Variants in SORL1 observed in about 807,000 individuals in gnomAD.
The protein encoded by SORL1 is sortilin related receptor 1.
SORL1 carries 127 observed loss-of-function variants against 273.7 expected under a neutral mutation model. That is an observed-to-expected ratio of 0.46 (90% confidence interval 0.40 to 0.54). The LOEUF (loss-of-function observed/expected upper bound fraction) is 0.54. SORL1 is among the 20% of genes least tolerant of loss of function. The probability of loss-of-function intolerance (pLI) is 0.00; values close to 1 mark genes in which losing one functional copy is unlikely to be tolerated. For missense variants in SORL1, 2,494 were observed against 2,846.1 expected (o/e 0.88, Z 2.81); for synonymous variants, 1,031 against 1,067.4 (o/e 0.97, Z 0.66).
chr11:121,591,074 G>T lies in SORL1; in HGVS notation c.4287G>T (p.Gly1429=), dbSNP rs765464366. The T allele has an allele frequency of 6.2e-7, 1 of 1,614,232 alleles. No individual in the cohort carries two copies. Among genetic ancestry groups the T allele is most frequent in the South Asian group, 1.1e-5 (1 of 91,078 alleles). Residue 1429 remains glycine, a synonymous_variant, in exon 31 of 48, where the codon GGG becomes GGT. Coordinates refer to ENST00000260197, the MANE Select transcript of SORL1 (RefSeq NM_003105.6). ...CCAATTACTACCGCTGCAGCAGTGG[G>T]ACCTGCGTGATGGACACCTGGGTGT... is the stretch of plus-strand genomic sequence containing the variant. ...CLPNYYRCSS[G]TCVMDTWVCD... is the part of the protein sequence containing the mutation.
chr11:121,583,277 C>G lies in SORL1; in HGVS notation c.3581-181C>G, dbSNP rs187840309. 2.6e-5 allele frequency among the ~76,000 whole-genome samples: 4 copies of G among 152,254 alleles called. No individual in the cohort carries two copies. In the South Asian group the frequency reaches 6.2e-4, roughly 24 times the overall value. On this transcript the variant is annotated intron_variant, in intron 25 of 47. Coordinates refer to ENST00000260197, the MANE Select transcript of SORL1 (RefSeq NM_003105.6). ...TATAAATCCATAGGCTCAAGTCCAC[C>G]GAGGGAGCTGCCCAAGGTCAGCCCA...
At chr11:121,529,107 T>G (rs965110696) in intron 11 of SORL1, among the ~76,000 whole-genome samples, 8 of 152,220 alleles carry the variant, frequency 5.3e-5, no homozygotes, top group African/African-American at 1.9e-4. Context: ...GAATTGTCCC[T>G]TTTATCATTA....
At chr11:121,524,048 CTG>C (rs1248061664) in intron 11 of SORL1, among the ~76,000 whole-genome samples, 1 of 152,212 alleles carries the variant, frequency 6.6e-6, no homozygotes, top group Non-Finnish European at 1.5e-5. Flanking sequence ...GGCTCAGACA[CTG>C]TGTACTGTAT....
intron 4 of SORL1, among the ~76,000 whole-genome samples, chr11:121,489,724 G>T (rs1482913871): frequency 1.3e-5 from 2 of 152,206 alleles, no homozygotes; most frequent in Non-Finnish European, 2.9e-5. Context: ...AAAGTGCTGA[G>T]TATAATCATC....
At position 121,463,937 on chromosome 11, in the gene SORL1, TC is replaced by T. The variant is rs1861041882; in HGVS notation, c.286-6068del. Among the ~76,000 whole-genome samples the T allele has an allele frequency of 2.0e-5, 3 of 152,360 alleles. No homozygotes were observed. In the South Asian group the frequency reaches 6.2e-4, roughly 32 times the overall value. On this transcript the variant is annotated intron_variant, in intron 1 of 47. Transcript: ENST00000260197. ...GGGATGGTTTGGGAAAACCTTGTTC[TC>T]CTTGGACCTCAGGAGGCTGTCTTTG...
chr11:121,546,169 G>A (rs1436005795), intron 14 of SORL1, among the ~76,000 whole-genome samples: 1 of 152,192 alleles, frequency 6.6e-6, no homozygotes, highest in African/African-American at 2.4e-5. Context: ...GGGATGCCTT[G>A]TTGGGTGTAT....
At chr11:121,573,654 C>G (rs1862881849) in intron 23 of SORL1, among the ~76,000 whole-genome samples, 1 of 152,184 alleles carries the variant, frequency 6.6e-6, no homozygotes, top group Admixed American at 6.5e-5. Context: ...ACTGTGATCT[C>G]AAGCACTAGG....
chr11:121,548,292 A>G (rs1862462547), intron 14 of SORL1, among the ~76,000 whole-genome samples: 1 of 152,236 alleles, frequency 6.6e-6, no homozygotes, highest in Non-Finnish European at 1.5e-5. Flanking sequence ...GGTCAAAGAA[A>G]GCTGCCCAGG....
chr11:121,471,292 C>T (rs1367294923), intron 2 of SORL1, among the ~76,000 whole-genome samples: 1 of 152,196 alleles, frequency 6.6e-6, no homozygotes, highest in Admixed American at 6.5e-5. Flanking sequence ...TTCTGGTTTT[C>T]CAGAGGAACC....
Position 121,474,818 on chromosome 11 carries a change from G to A in SORL1, c.403-3300G>A, listed in dbSNP as rs138213994. 4.6e-3 allele frequency among the ~76,000 whole-genome samples: 708 copies of A among 152,368 alleles called. 5 individuals carry two copies. The highest frequency in any genetic ancestry group is 0.02 in the Middle Eastern group (6 of 294). On this transcript the variant is annotated intron_variant, in intron 2 of 47. Transcript: ENST00000260197. ...AGAAAGGAAAGCGCAAGTCGGGGTG[G>A]AGCCACCAATCCGCTTGAGCTAACT...
intron 12 of SORL1, among the ~76,000 whole-genome samples, chr11:121,534,213 T>G (rs939955098): frequency 1.1e-4 from 16 of 152,186 alleles, no homozygotes; most frequent in Admixed American, 5.2e-4. Context: ...GCTTTCAGAT[T>G]TCAGAGTCAG....
Position 121,590,186 on chromosome 11 carries a change from C to G in SORL1, c.4213+12C>G. 6.2e-7 allele frequency: 1 copy of G among 1,613,574 alleles called. No homozygotes were observed. Among genetic ancestry groups the G allele is most frequent in the Non-Finnish European group, 8.5e-7 (1 of 1,179,676 alleles). On this transcript the variant is annotated intron_variant, in intron 30 of 47. Transcript: ENST00000260197. ...GAAGGATTGTGGAGGTAAGAGGCCC[C>G]TGGGGCCTGGGTTAGCCCCATAACC...
chr11:121,608,409 A>C (rs1264351021), intron 38 of SORL1: 2 of 490,686 alleles, frequency 4.1e-6, no homozygotes, highest in Non-Finnish European at 7.2e-6. Flanking sequence ...TAATGCAGAC[A>C]TACAAAGGGA....
intron 30 of SORL1, chr11:121,590,499 C>T (rs1353411331): frequency 3.9e-6 from 2 of 506,902 alleles, no homozygotes; most frequent in African/African-American, 3.8e-5. Context: ...CACCCCAGAC[C>T]TACAGAGTCA....
intron 2 of SORL1, among the ~76,000 whole-genome samples, chr11:121,471,519 C>T (rs188675424): frequency 2.6e-5 from 4 of 152,312 alleles, no homozygotes; most frequent in East Asian, 1.9e-4. Flanking sequence ...TGTGGCAGCG[C>T]GAGGCTGCAG....
intron 30 of SORL1, chr11:121,590,751 T>C (rs1189152636): frequency 8.5e-6 from 6 of 708,870 alleles, no homozygotes; most frequent in African/African-American, 3.5e-5. Context: ...AGCAAACTTA[T>C]CTGAATATTA....
chr11:121,466,167 C>T (rs560358545), intron 1 of SORL1, among the ~76,000 whole-genome samples: 105 of 152,310 alleles, frequency 6.9e-4, no homozygotes, highest in Non-Finnish European at 1.0e-3. Context: ...CAAGCTCCAG[C>T]TATGCCCTGT....
intron 3 of SORL1, among the ~76,000 whole-genome samples, chr11:121,483,416 C>T (rs1861425857): frequency 1.3e-5 from 2 of 152,234 alleles, no homozygotes; most frequent in South Asian, 4.1e-4. Flanking sequence ...TGCCCTTCCT[C>T]CTCTCATTGT....
intron 32 of SORL1, among the ~76,000 whole-genome samples, chr11:121,600,973 G>A (rs1266861057): frequency 6.6e-6 from 1 of 151,590 alleles, no homozygotes; most frequent in Non-Finnish European, 1.5e-5. Context: ...GTATACATGT[G>A]CCATGCTAGT....
Sources: allele counts gnomAD v4.1 joint callset (sites outside exome capture counted in the v4.1 genomes callset), GRCh38; gene constraint gnomAD v4.1.1; transcripts MANE v1.5; gene names NCBI Gene and HGNC (gene_info 2026-07-23, HGNC 2026-07-21).